The following ABCC9 variants were observed in gnomAD, a reference collection of about 807,000 sequenced individuals.
The protein encoded by ABCC9 is ATP binding cassette subfamily C member 9.
ABCC9 carries 95 observed loss-of-function variants against 188.3 expected under a neutral mutation model. The observed-to-expected ratio is 0.50, with a 90% CI of 0.43 to 0.60. The LOEUF (loss-of-function observed/expected upper bound fraction) is 0.60. Among genes scored for constraint, ABCC9 ranks in the 20% least tolerant of loss-of-function variants. The pLI, the probability that ABCC9 is intolerant of heterozygous loss-of-function variation, is 0.00. For missense variants in ABCC9, 1,102 were observed against 1,876.3 expected, an observed-to-expected ratio of 0.59 and a Z score of 7.62; for synonymous variants, 659 against 652.7, an observed-to-expected ratio of 1.01 and a Z score of -0.15.
At chr12:21,835,971 C>A (rs1944058912) in intron 30 of ABCC9, among the ~76,000 whole-genome samples, 1 of 152,178 alleles carries the variant, frequency 6.6e-6, no homozygotes. Flanking sequence ...CTCATGGAAT[C>A]AGAAACTTAG....
At chr12:21,826,844 A>G (rs1216819622) in intron 31 of ABCC9, among the ~76,000 whole-genome samples, 2 of 152,212 alleles carry the variant, frequency 1.3e-5, no homozygotes, top group South Asian at 2.1e-4. Flanking sequence ...ATCTTTGCCC[A>G]TCGGAAATGA....
intron 22 of ABCC9, among the ~76,000 whole-genome samples, chr12:21,858,628 A>G (rs1237245739): frequency 2.0e-5 from 3 of 152,004 alleles, no homozygotes; most frequent in Non-Finnish European, 2.9e-5. Context: ...AGATCCTGCA[A>G]TGGCTTTCAT....
At chr12:21,810,791 T>C (rs923301052) in intron 36 of ABCC9, among the ~76,000 whole-genome samples, 1 of 152,156 alleles carries the variant, frequency 6.6e-6, no homozygotes, top group Non-Finnish European at 1.5e-5. Context: ...TTCACTATGG[T>C]ATTGCTAAAT....
At chr12:21,934,920 C>T (rs751306346) in intron 3 of ABCC9, among the ~76,000 whole-genome samples, 5 of 152,090 alleles carry the variant, frequency 3.3e-5, no homozygotes, top group Non-Finnish European at 5.9e-5. Flanking sequence ...TCTACTAGAA[C>T]TTATGCTGTA....
Position 21,863,064 on chromosome 12 carries a change from GA to G in ABCC9, c.2238-11del, listed in dbSNP as rs752193894. Reference sequence around the variant, plus strand: ...AGAGTACCTGTTCCTACTGAAAAATGAAAAAGAAAAAAAAAAACACCAGGAT... The same window carrying G: ...AGAGTACCTGTTCCTACTGAAAAATGAAAAGAAAAAAAAAAACACCAGGAT... On this transcript the variant is annotated splice_polypyrimidine_tract_variant and intron_variant, in intron 19 of 39. Coordinates refer to ENST00000261200, the MANE Select transcript of ABCC9 (RefSeq NM_020297.4). 3.2e-5 allele frequency: 48 copies of G among 1,515,112 alleles called. 1 individual carries two copies. In the South Asian group the frequency reaches 5.5e-4, roughly 17 times the overall value. The allele number at this position is 1,515,112 out of a possible 1,614,324, so 93.9% of individuals were successfully genotyped here.
intron 37 of ABCC9, among the ~76,000 whole-genome samples, chr12:21,807,827 C>T (rs1941961725): frequency 6.6e-6 from 1 of 152,058 alleles, no homozygotes; most frequent in South Asian, 2.1e-4. Flanking sequence ...AATGGCTTGC[C>T]CAAAGTCACA....
chr12:21,852,615 T>C lies in ABCC9; in HGVS notation c.2506-110A>G, dbSNP rs761616279. ...AACTAAGGGCAAATCATCCCCCAAA[T>C]CTAATTTATTTAAAAAAAGGATAAA... On this transcript the variant is annotated intron_variant, in intron 22 of 39. Transcript: ENST00000261200. The C allele has an allele frequency of 5.2e-4, 661 of 1,279,472 alleles. 1 individual carries two copies. Among genetic ancestry groups the C allele is most frequent in the Non-Finnish European group, 6.8e-4 (619 of 907,374 alleles). 79.3% of individuals were successfully genotyped at this position (1,279,472 alleles called of 1,614,324 possible).
chr12:21,852,463 A>G lies in ABCC9; in HGVS notation c.2548T>C (p.Leu850=). ...SALDIHLSDH[L]MQEGILKFLQ... ...AATTTCAAAATCCCCTCCTGCATTA[A>G]ATGATCACTCAAGTGAATGTCCAGG... is the stretch of plus-strand genomic sequence containing the variant. Residue 850 remains leucine (L), a synonymous_variant, in exon 23 of 40, where the codon TTA becomes CTA. Transcript: ENST00000261200. The G allele has an allele frequency of 6.2e-7, 1 of 1,613,366 alleles. No individual in the cohort carries two copies. The highest frequency in any genetic ancestry group is 8.5e-7 in the Non-Finnish European group (1 of 1,179,960).
intron 8 of ABCC9, among the ~76,000 whole-genome samples, chr12:21,911,724 G>C (rs1444442197): frequency 2.6e-5 from 4 of 151,778 alleles, no homozygotes; most frequent in African/African-American, 4.8e-5. Context: ...CCTTTTTTGT[G>C]GGAATATATA....
intron 18 of ABCC9, among the ~76,000 whole-genome samples, chr12:21,868,797 C>T (rs1945915173): frequency 6.6e-6 from 1 of 152,052 alleles, no homozygotes; most frequent in Non-Finnish European, 1.5e-5. Flanking sequence ...TAAAGGACTT[C>T]TAAGCATTTA....
At chr12:21,848,013 C>A in intron 25 of ABCC9, 137 bp downstream of exon 25, 1 of 725,722 alleles carries the variant, frequency 1.4e-6, no homozygotes, top group Non-Finnish European at 2.4e-6. Flanking sequence ...CTATTGTTTC[C>A]ATTTTCAGTA....
At chr12:21,908,433 C>A (rs565669152) in intron 10 of ABCC9, among the ~76,000 whole-genome samples, 1 of 152,070 alleles carries the variant, frequency 6.6e-6, no homozygotes, top group South Asian at 2.1e-4. Context: ...AGGCTAAGTG[C>A]TAGGAATGTA....
At chr12:21,827,958 G>C (rs1033434717) in intron 31 of ABCC9, among the ~76,000 whole-genome samples, 1 of 151,968 alleles carries the variant, frequency 6.6e-6, no homozygotes, top group African/African-American at 2.4e-5. Flanking sequence ...ATTTTAATTT[G>C]GGCTCCTTCA....
intron 21 of ABCC9, 78 bp from the exon 22 acceptor site, chr12:21,859,744 A>G: frequency 8.2e-7 from 1 of 1,222,496 alleles, no homozygotes; most frequent in East Asian, 2.3e-5. Flanking sequence ...TTAAATTACA[A>G]ACGTCTTTTT....
intron 4 of ABCC9, among the ~76,000 whole-genome samples, chr12:21,929,388 A>AAACCG (rs1565495029): frequency 1.3e-5 from 2 of 152,096 alleles, no homozygotes; most frequent in Non-Finnish European, 2.9e-5. Context: ...AATCACAGGT[A>AAACCG]GAAATAAAAA....
intron 12 of ABCC9, among the ~76,000 whole-genome samples, chr12:21,900,473 G>A (rs963819890): frequency 1.3e-5 from 2 of 152,210 alleles, no homozygotes; most frequent in African/African-American, 4.8e-5. Context: ...TGACTTTGAC[G>A]AGTTGACAGA....
intron 24 of ABCC9, among the ~76,000 whole-genome samples, chr12:21,849,625 CCAAA>C (rs987392229): frequency 1.2e-3 from 185 of 152,014 alleles, no homozygotes; most frequent in African/African-American, 4.1e-3. Context: ...ACAAAAAAAC[CCAAA>C]CAAACTTTAA....
At chr12:21,885,523 C>T (rs1408116279) in intron 15 of ABCC9, among the ~76,000 whole-genome samples, 1 of 152,142 alleles carries the variant, frequency 6.6e-6, no homozygotes, top group Non-Finnish European at 1.5e-5. Context: ...CTCTGCTTAT[C>T]CCCCTATCTC....
chr12:21,842,796 A>G (rs976509299), intron 28 of ABCC9, among the ~76,000 whole-genome samples: 6 of 152,194 alleles, frequency 3.9e-5, no homozygotes, highest in Non-Finnish European at 8.8e-5. Flanking sequence ...GGCAGTGCAT[A>G]CAAATCTATT....
Sources: gnomAD v4.1 joint callset for allele counts (sites outside exome capture counted in the v4.1 genomes callset) on GRCh38, gnomAD v4.1.1 for gene constraint, MANE v1.5 for transcripts, NCBI Gene and HGNC (gene_info 2026-07-23, HGNC 2026-07-21) for gene names.